Variants in JAK2 observed in about 807,000 individuals in gnomAD.
JAK2 encodes Janus kinase 2.
In JAK2, 86 loss-of-function variants were observed where a neutral mutation model predicts 139.3. The observed-to-expected ratio is 0.62, with a 90% CI of 0.52 to 0.74. JAK2 has a LOEUF of 0.74. Among genes scored for constraint, JAK2 ranks in the 30% least tolerant of loss-of-function variants. The pLI, the probability that JAK2 is intolerant of heterozygous loss-of-function variation, is 0.00. For missense variants in JAK2, 1,421 were observed against 1,360.3 expected, an observed-to-expected ratio of 1.04 and a Z score of -0.70; for synonymous variants, 490 against 437.7, an observed-to-expected ratio of 1.12 and a Z score of -1.49.
intron 2 of JAK2, among the ~76,000 whole-genome samples, chr9:5,011,727 A>G (rs1230667430): frequency 1.3e-5 from 2 of 152,108 alleles, no homozygotes; most frequent in African/African-American, 4.8e-5. Context: ...ACTCCGGATG[A>G]TGTGGATTTC....
chr9:5,002,925 A>G (rs1359740289), intron 2 of JAK2, among the ~76,000 whole-genome samples: 2 of 151,992 alleles, frequency 1.3e-5, no homozygotes, highest in African/African-American at 4.8e-5. Context: ...TGAAGTAGAT[A>G]GAAGTTAAGG....
intron 22 of JAK2, among the ~76,000 whole-genome samples, chr9:5,092,606 A>G (rs895007596): frequency 6.6e-6 from 1 of 152,204 alleles, no homozygotes; most frequent in Admixed American, 6.5e-5. Flanking sequence ...TAAGGGAAAG[A>G]TGAAAGAACT....
intron 16 of JAK2, among the ~76,000 whole-genome samples, chr9:5,079,238 G>GA (rs1819511112): frequency 6.6e-6 from 1 of 151,940 alleles, no homozygotes; most frequent in Non-Finnish European, 1.5e-5. Flanking sequence ...AGTGAAGATG[G>GA]AAAAAAATGT....
At chr9:5,009,502 T>C (rs1032736449) in intron 2 of JAK2, among the ~76,000 whole-genome samples, 1 of 152,128 alleles carries the variant, frequency 6.6e-6, no homozygotes, top group Non-Finnish European at 1.5e-5. Context: ...AGTGATGCTT[T>C]ATGTTTTCAA....
intron 6 of JAK2, among the ~76,000 whole-genome samples, chr9:5,052,647 A>T (rs2130391910): frequency 6.6e-6 from 1 of 152,214 alleles, no homozygotes; most frequent in Admixed American, 6.6e-5. Context: ...TTCAGTCCTC[A>T]TCCCACTTTC....
chr9:5,021,865 T>C, intron 2 of JAK2, 98 bp from the exon 3 acceptor site: 1 of 648,464 alleles, frequency 1.5e-6, no homozygotes, highest in Non-Finnish European at 2.7e-6. Flanking sequence ...ACTTCTGGGC[T>C]CAAGCTATCT....
At chr9:5,009,399 C>T (rs1295240684) in intron 2 of JAK2, among the ~76,000 whole-genome samples, 2 of 151,884 alleles carry the variant, frequency 1.3e-5, no homozygotes, top group African/African-American at 4.8e-5. Context: ...CACAGGAACA[C>T]TATGAAATGC....
rs1822708092 is a variant in JAK2, at chr9:5,112,615, G to A, written c.3060-10389G>A. On this transcript the variant is annotated intron_variant, in intron 22 of 24. Coordinates refer to ENST00000381652, the MANE Select transcript of JAK2 (RefSeq NM_004972.4). ...CTCTTAAGGAGCTGGGGCGCATGTG[G>A]CAACTGCACCTCAACAGCGAGAAGC... The A allele has an allele frequency of 3.7e-5, 34 of 910,304 alleles. 1 individual carries two copies. The South Asian group carries it at 6.0e-4, about 16-fold the overall frequency. 56.4% of individuals were successfully genotyped at this position (910,304 alleles called of 1,614,324 possible).
intron 19 of JAK2, among the ~76,000 whole-genome samples, chr9:5,087,586 G>C (rs987649233): frequency 6.6e-6 from 1 of 152,012 alleles, no homozygotes; most frequent in African/African-American, 2.4e-5. Flanking sequence ...AAGAAAAATA[G>C]AGGCATTCCG....
At chr9:5,029,601 TA>T (rs1291629590) in intron 3 of JAK2, among the ~76,000 whole-genome samples, 181 bp from the exon 4 acceptor site, 2 of 152,138 alleles carry the variant, frequency 1.3e-5, no homozygotes, top group African/African-American at 2.4e-5. Context: ...TATGTTTGTA[TA>T]AAAAAAGATT....
In JAK2 at chr9:5,129,572, G is replaced by GT. The variant is rs1824210938; in HGVS notation, c.*2782dup. 6.6e-6 allele frequency among the ~76,000 whole-genome samples: 1 copy of GT among 152,064 alleles called. No homozygotes were observed. Among genetic ancestry groups the GT allele is most frequent in the South Asian group, 2.1e-4 (1 of 4,832 alleles). On this transcript the variant is annotated 3_prime_UTR_variant, in exon 25 of 25. Coordinates refer to ENST00000381652, the MANE Select transcript of JAK2 (RefSeq NM_004972.4). ...CTGTATATTAGAATAAATAGTAACA[G>GT]TAAGTCAGCAGGATTATCCAAACAA...
chr9:5,126,900 G>C lies in JAK2; in HGVS notation c.*109G>C. On this transcript the variant is annotated 3_prime_UTR_variant, in exon 25 of 25. Transcript: ENST00000381652. ...ATATCATTATTATATAAATCATGATGCTAGCCAGCAAAGATGTGAAAATAT... is the reference window on the plus strand; with the variant it reads ...ATATCATTATTATATAAATCATGATCCTAGCCAGCAAAGATGTGAAAATAT... The C allele has an allele frequency of 1.8e-6, 1 of 550,590 alleles. No individual in the cohort carries two copies. The allele number at this position is 550,590 out of a possible 1,614,324, so 34.1% of individuals were successfully genotyped here. A position where few individuals can be genotyped will look rare whatever the true frequency, so the allele number is the denominator to read the frequency against.
chr9:5,065,197 GAATT>G (rs1207710002), intron 9 of JAK2, among the ~76,000 whole-genome samples, 157 bp downstream of exon 9: 10 of 151,940 alleles, frequency 6.6e-5, no homozygotes, highest in African/African-American at 7.3e-5. Flanking sequence ...ATAATAATTA[GAATT>G]ATTTAGTGTA....
At chr9:5,068,124 C>A (rs1456922224) in intron 10 of JAK2, among the ~76,000 whole-genome samples, 1 of 149,788 alleles carries the variant, frequency 6.7e-6, no homozygotes, top group African/African-American at 2.5e-5. Flanking sequence ...TGTGCCACTG[C>A]ACTCCAGCCT....
At chr9:5,062,871 T>C (rs1367979134) in intron 8 of JAK2, among the ~76,000 whole-genome samples, 2 of 152,180 alleles carry the variant, frequency 1.3e-5, no homozygotes, top group Non-Finnish European at 2.9e-5. Flanking sequence ...TTTATACTTC[T>C]GTGGATTGCC....
chr9:5,013,306 A>AG (rs1821821872), intron 2 of JAK2, among the ~76,000 whole-genome samples: 1 of 152,248 alleles, frequency 6.6e-6, no homozygotes, highest in Non-Finnish European at 1.5e-5. Context: ...CCAAAGTAGT[A>AG]TAGGAATAAT....
intron 5 of JAK2, 23 bp downstream of exon 5, chr9:5,044,543 G>C (rs991798842): frequency 1.5e-6 from 2 of 1,323,552 alleles, no homozygotes; most frequent in South Asian, 2.6e-5. Context: ...TATCTTACTT[G>C]TACATGAGTT....
rs1056880210 is a variant in JAK2, at chr9:5,111,737, C to T, written c.3060-11267C>T. On this transcript the variant is annotated intron_variant, in intron 22 of 24. Transcript: ENST00000381652. ...GCACCAGCACGAGCGCGTGGGCTAC[C>T]GGCTGCACGGAGGAGAAGTGAACGG... 6 of 428,124 alleles carry T rather than the reference C, an allele frequency of 1.4e-5. 1 individual carries two copies. The highest frequency in any genetic ancestry group is 5.4e-5 in the Admixed American group (2 of 37,380). The allele number at this position is 428,124 out of a possible 1,614,324, so 26.5% of individuals were successfully genotyped here. A position where few individuals can be genotyped will look rare whatever the true frequency, so the allele number is the denominator to read the frequency against.
Position 5,054,591 on chromosome 9 carries a change from C to A in JAK2, c.643C>A (p.Arg215=), listed in dbSNP as rs1443023071. ...CAAGACATTCTTACCAAAATGTATT[C>A]GAGCAAAGATCCAAGACTATCATAT... ...SYKTFLPKCI[R]AKIQDYHILT... is the part of the protein sequence containing the mutation. Residue 215 remains arginine (R), a synonymous_variant, in exon 7 of 25, where the codon CGA becomes AGA. Transcript: ENST00000381652. The surrounding 1 kb of genome is among the most constrained non-coding windows in gnomAD (Gnocchi z 4.9). The A allele has an allele frequency of 2.5e-6, 4 of 1,596,108 alleles. No homozygotes were observed. The highest frequency in any genetic ancestry group is 1.1e-5 in the South Asian group (1 of 88,552).
Sources: allele counts gnomAD v4.1 joint callset (sites outside exome capture counted in the v4.1 genomes callset), GRCh38; gene constraint gnomAD v4.1.1; non-coding constraint Gnocchi (gnomAD v3.1); transcripts MANE v1.5; gene names NCBI Gene and HGNC (gene_info 2026-07-23, HGNC 2026-07-21).